HDAC7: variants seen among roughly 807,000 people sequenced by gnomAD.
HDAC7 encodes histone deacetylase 7A.
A neutral mutation model predicts 115.5 loss-of-function variants in HDAC7; 26 were observed. That is an observed-to-expected ratio of 0.23 (90% CI 0.16 to 0.31). HDAC7 has a LOEUF of 0.31. Ranked by LOEUF, HDAC7 falls within the 10% of genes least tolerant of loss-of-function variation. The pLI, the probability that HDAC7 is intolerant of heterozygous loss-of-function variation, is 1.00. For missense variants in HDAC7, 1,068 were observed against 1,329.0 expected, an observed-to-expected ratio of 0.80 and a Z score of 3.05; for synonymous variants, 564 against 550.9, an observed-to-expected ratio of 1.02 and a Z score of -0.33.
rs367795812 is a variant in HDAC7, at chr12:47,819,183, C to A, written c.19+584G>T. The A allele has an allele frequency of 6.6e-5, 10 of 152,640 alleles. No individual in the cohort carries two copies. In the East Asian group the frequency reaches 1.4e-3, roughly 21 times the overall value. The allele number at this position is 152,640 out of a possible 1,614,324, so 9.5% of individuals were successfully genotyped here. On this transcript the variant is annotated intron_variant, in intron 1 of 25. Transcript: ENST00000080059. ...GGATGGGGGGCAATGCTCAGAGAAA[C>A]CTCCCAGCCAGAGACCCCTCCAAGG...
At chr12:47,792,625 T>G in intron 13 of HDAC7, 1 of 455,896 alleles carries the variant, frequency 2.2e-6, no homozygotes, top group Non-Finnish European at 4.4e-6. Flanking sequence ...ACTCTCAAAA[T>G]GCTCACACCA....
intron 1 of HDAC7, among the ~76,000 whole-genome samples, chr12:47,814,908 C>T (rs1289105064): frequency 6.6e-6 from 1 of 152,234 alleles, no homozygotes; most frequent in Non-Finnish European, 1.5e-5. Context: ...AGTTCATTTC[C>T]TTCTTAGGGC....
Position 47,793,819 on chromosome 12 carries a change from G to A in HDAC7, c.1459-231C>T, listed in dbSNP as rs138450895. Among the ~76,000 whole-genome samples the A allele has an allele frequency of 1.5e-3, 235 of 152,216 alleles. No homozygotes were observed. The highest frequency in any genetic ancestry group is 2.5e-3 in the Non-Finnish European group (169 of 68,000). Reference sequence around the variant, plus strand: ...TGACCACCCATTCCACCAGCTCCCCGGGCCCTTGGGGCTCCAAAGCCAGGA... The same window carrying A: ...TGACCACCCATTCCACCAGCTCCCCAGGCCCTTGGGGCTCCAAAGCCAGGA... On this transcript the variant is annotated intron_variant, in intron 12 of 25. Coordinates refer to ENST00000080059, the MANE Select transcript of HDAC7 (RefSeq NM_015401.5). The surrounding 1 kb of genome is among the most constrained non-coding windows in gnomAD (Gnocchi z 4.5).
At chr12:47,790,017 G>A in intron 16 of HDAC7, 97 bp from the exon 17 acceptor site, 1 of 882,568 alleles carries the variant, frequency 1.1e-6, no homozygotes, top group South Asian at 1.4e-5. Context: ...GGACCCCAGG[G>A]GCAGGGAGCT....
At chr12:47,819,615 G>T (rs959154142) in intron 1 of HDAC7, among the ~76,000 whole-genome samples, 152 bp downstream of exon 1, 4 of 150,428 alleles carry the variant, frequency 2.7e-5, no homozygotes, top group Non-Finnish European at 5.9e-5. Context: ...GGCGCGGTCG[G>T]GGGGCGCAAG....
At chr12:47,799,035 C>T (rs1476978242) in intron 2 of HDAC7, 63 bp from the exon 3 acceptor site, 1 of 1,172,362 alleles carries the variant, frequency 8.5e-7, no homozygotes, top group Non-Finnish European at 1.2e-6. Context: ...ATGATACAGC[C>T]TGATCCCCCC....
chr12:47,797,575 G>T lies in HDAC7; in HGVS notation c.462-76C>A. On this transcript the variant is annotated intron_variant, in intron 5 of 25. Coordinates refer to ENST00000080059, the MANE Select transcript of HDAC7 (RefSeq NM_015401.5). This position sits in a 1 kb window ranked among gnomAD's most constrained non-coding sequence, Gnocchi z 5.5. ...GCACTGCCCTGAGCACGGGCCCTGG[G>T]ACCTGAGGGGGAGGCTGCAGCGGGC... is the stretch of plus-strand genomic sequence containing the variant. 1 of 1,090,436 alleles carries T rather than the reference G, an allele frequency of 9.2e-7. No individual in the cohort carries two copies. Among genetic ancestry groups the T allele is most frequent in the Non-Finnish European group, 1.3e-6 (1 of 746,922 alleles). 67.5% of individuals were successfully genotyped at this position (1,090,436 alleles called of 1,614,324 possible). A position where few individuals can be genotyped will look rare whatever the true frequency, so the allele number is the denominator to read the frequency against.
Position 47,802,232 on chromosome 12 carries a change from G to C in HDAC7, c.62C>G (p.Thr21Ser). 6.2e-7 allele frequency: 1 copy of C among 1,613,872 alleles called. No homozygotes were observed. Among genetic ancestry groups the C allele is most frequent in the Non-Finnish European group, 8.5e-7 (1 of 1,179,934 alleles). ...CCGGGTTTGACTCTTACCTGCGCCA[G>C]TGGGGCTGCAGTAGTGGGCACCCGG... ...VSPGAHYCSP[T>S]GAGCPRPCAD... The change falls in exon 2 of 26, where the codon ACT (threonine) becomes AGT (serine). Residue 21 changes from threonine (T) to serine (S), a missense_variant. Transcript: ENST00000080059.
intron 1 of HDAC7, among the ~76,000 whole-genome samples, chr12:47,810,068 T>A (rs775447599): frequency 2.6e-5 from 4 of 152,164 alleles, no homozygotes; most frequent in Non-Finnish European, 4.4e-5. Flanking sequence ...TGCCTCAGCC[T>A]CCCAAGTAGC....
intron 8 of HDAC7, 63 bp downstream of exon 8, chr12:47,796,144 C>T (rs1174210456): frequency 6.5e-7 from 1 of 1,546,306 alleles, no homozygotes; most frequent in African/African-American, 1.4e-5. Flanking sequence ...GTAGGGCCGC[C>T]TGCTGGAAGA....
Position 47,783,404 on chromosome 12 carries a change from A to C in HDAC7, c.*437T>G. 4.9e-6 allele frequency: 1 copy of C among 205,816 alleles called. No homozygotes were observed. Among genetic ancestry groups the C allele is most frequent in the South Asian group, 8.5e-5 (1 of 11,808 alleles). 12.7% of individuals were successfully genotyped at this position (205,816 alleles called of 1,614,324 possible). Reference sequence around the variant, plus strand: ...CACTCCCCCCTAGCCCCTAGAGCCTAGGAAGGGCCAGCCTGTCTGAGGCCA... The same window carrying C: ...CACTCCCCCCTAGCCCCTAGAGCCTCGGAAGGGCCAGCCTGTCTGAGGCCA... On this transcript the variant is annotated 3_prime_UTR_variant, in exon 26 of 26. Transcript: ENST00000080059.
chr12:47,820,594 A>T (rs1944992498), upstream of HDAC7: 1 of 152,124 alleles, frequency 6.6e-6, no homozygotes. This position sits in a 1 kb window ranked among gnomAD's most constrained non-coding sequence, Gnocchi z 4.3. Flanking sequence ...GCCTGTTCCT[A>T]TTAAAAGAAA....
chr12:47,784,929 G>C (rs1347970537), intron 24 of HDAC7: 1 of 652,926 alleles, frequency 1.5e-6, no homozygotes, highest in African/African-American at 1.8e-5. Context: ...CTTGACATAA[G>C]ATGCTCAATA....
intron 1 of HDAC7, among the ~76,000 whole-genome samples, chr12:47,810,847 T>TCTCTCTCTCTC: frequency 1.2e-5 from 1 of 80,926 alleles, no homozygotes; most frequent in South Asian, 4.0e-4. Flanking sequence ...TCTCTCTCTC[T>TCTCTCTCTCTC]ATCTCTATCT....
intron 24 of HDAC7, chr12:47,784,861 C>G: frequency 7.9e-7 from 1 of 1,259,336 alleles, no homozygotes; most frequent in Non-Finnish European, 1.1e-6. Context: ...CTCCCCTACC[C>G]AGCCCTTGAT....
At chr12:47,786,745 G>A (rs373538346) in intron 21 of HDAC7, 42 bp from the exon 22 acceptor site, 2 of 1,525,614 alleles carry the variant, frequency 1.3e-6, no homozygotes, top group African/African-American at 2.7e-5. Flanking sequence ...ACTGTGCAGG[G>A]TTGCCAGGGG....
chr12:47,795,520 A>T lies in HDAC7; in HGVS notation c.1087+67T>A, dbSNP rs1319022707. 6.7e-7 allele frequency: 1 copy of T among 1,502,098 alleles called. No individual in the cohort carries two copies. 93.0% of individuals were successfully genotyped at this position (1,502,098 alleles called of 1,614,324 possible). The stretch of plus-strand genomic sequence containing the variant: ...AGAGATGGGGAGGAAGGATGGGTCC[A>T]TCCCAAGCTTGGCTCTTAGCAGGGT... On this transcript the variant is annotated intron_variant, in intron 10 of 25. Transcript: ENST00000080059. The surrounding 1 kb of genome is among the most constrained non-coding windows in gnomAD (Gnocchi z 4.3).
chr12:47,819,617 G>T (rs1383998659), intron 1 of HDAC7, 150 bp downstream of exon 1: 1 of 153,552 alleles, frequency 6.5e-6, no homozygotes, highest in Non-Finnish European at 1.4e-5. Context: ...CGCGGTCGGG[G>T]GGCGCAAGCC....
At chr12:47,787,865 A>G (rs1943255656) in intron 20 of HDAC7, 56 bp from the exon 21 acceptor site, 3 of 1,558,462 alleles carry the variant, frequency 1.9e-6, no homozygotes, top group South Asian at 2.3e-5. Context: ...GAAGGGGAAC[A>G]CCAGTTTGTT....
Sources: gnomAD v4.1 joint callset for allele counts (sites outside exome capture counted in the v4.1 genomes callset) on GRCh38, gnomAD v4.1.1 for gene constraint, Gnocchi (gnomAD v3.1) non-coding constraint, MANE v1.5 for transcripts, NCBI Gene and HGNC (gene_info 2026-07-23, HGNC 2026-07-21) for gene names.